The following MED27 variants were observed in gnomAD, a reference collection of about 807,000 sequenced individuals.
The protein encoded by MED27 is mediator of RNA polymerase II transcription subunit 27.
A neutral mutation model predicts 38.2 loss-of-function variants in MED27; 30 were observed. The observed-to-expected ratio is 0.79, with a 90% CI of 0.59 to 1.07. The LOEUF is 1.07. Ranked by LOEUF, MED27 falls within the 50% of genes least tolerant of loss-of-function variation. The pLI, the probability that MED27 is intolerant of heterozygous loss-of-function variation, is 0.00. For synonymous variants in MED27, 122 were observed against 153.5 expected, an observed-to-expected ratio of 0.79 and a Z score of 1.52; for missense variants, 289 against 397.5, an observed-to-expected ratio of 0.73 and a Z score of 2.32.
At chr9:132,070,658 A>T (rs1181180788) in intron 2 of MED27, among the ~76,000 whole-genome samples, 1 of 152,128 alleles carries the variant, frequency 6.6e-6, no homozygotes, top group Non-Finnish European at 1.5e-5. Flanking sequence ...GAGTACCAAG[A>T]TGAGAAGAGT....
At chr9:132,073,594 A>G in intron 2 of MED27, 1 of 1,409,902 alleles carries the variant, frequency 7.1e-7, no homozygotes, top group South Asian at 1.6e-5. Flanking sequence ...AGAAAAGAGC[A>G]CCTTCAGAGA....
At chr9:132,071,399 C>T (rs1358414326) in intron 2 of MED27, among the ~76,000 whole-genome samples, 2 of 151,734 alleles carry the variant, frequency 1.3e-5, no homozygotes, top group Non-Finnish European at 2.9e-5. Flanking sequence ...TAACGCACAC[C>T]CCATGAACGA....
chr9:131,952,666 TC>T (rs1157669828), intron 3 of MED27, among the ~76,000 whole-genome samples: 1 of 152,202 alleles, frequency 6.6e-6, no homozygotes, highest in Non-Finnish European at 1.5e-5. Flanking sequence ...AGGGTATTTA[TC>T]CTGCCTACAA....
chr9:132,013,493 C>A (rs1407447026), intron 3 of MED27, among the ~76,000 whole-genome samples: 2 of 152,206 alleles, frequency 1.3e-5, no homozygotes, highest in Non-Finnish European at 2.9e-5. Flanking sequence ...CACGGATGTA[C>A]ATGAGTGTGA....
At chr9:131,977,990 C>CTTAT (rs1374496378) in intron 3 of MED27, among the ~76,000 whole-genome samples, 1 of 152,178 alleles carries the variant, frequency 6.6e-6, no homozygotes, top group Admixed American at 6.5e-5. Context: ...GGACACTGAG[C>CTTAT]ATAAGCGGCA....
intron 3 of MED27, among the ~76,000 whole-genome samples, chr9:131,948,749 T>C (rs1333154814): frequency 6.6e-6 from 1 of 152,134 alleles, no homozygotes; most frequent in African/African-American, 2.4e-5. Flanking sequence ...ACTCAACACT[T>C]AGGCAGGCAG....
At chr9:131,934,278 G>C (rs1434202906) in intron 4 of MED27, among the ~76,000 whole-genome samples, 1 of 152,092 alleles carries the variant, frequency 6.6e-6, no homozygotes, top group East Asian at 1.9e-4. Flanking sequence ...GGATAAATGG[G>C]ATCATATCAA....
At chr9:132,052,578 T>TA (rs11368029) in intron 2 of MED27, among the ~76,000 whole-genome samples, 10 of 150,660 alleles carry the variant, frequency 6.6e-5, no homozygotes, top group African/African-American at 2.4e-4. Flanking sequence ...CTCTCTCTTT[T>TA]AAAAAAAAAA....
At chr9:131,981,418 G>T (rs557493338) in intron 3 of MED27, among the ~76,000 whole-genome samples, 2 of 152,186 alleles carry the variant, frequency 1.3e-5, no homozygotes, top group Non-Finnish European at 2.9e-5. Flanking sequence ...TGATCGTGAA[G>T]AAGTCAAACA....
chr9:131,902,798 A>G (rs1034818019), intron 4 of MED27, among the ~76,000 whole-genome samples: 2 of 152,232 alleles, frequency 1.3e-5, no homozygotes, highest in African/African-American at 4.8e-5. Flanking sequence ...ACAAGGTCCC[A>G]GGAAAAATGA....
intron 4 of MED27, among the ~76,000 whole-genome samples, chr9:131,907,342 C>G (rs544982132): frequency 2.0e-5 from 3 of 151,786 alleles, no homozygotes; most frequent in Non-Finnish European, 4.4e-5. Context: ...CCTCAGCCTG[C>G]GAGTGCCTGC....
At chr9:132,028,938 T>C (rs1832888720) in intron 2 of MED27, among the ~76,000 whole-genome samples, 1 of 152,132 alleles carries the variant, frequency 6.6e-6, no homozygotes, top group African/African-American at 2.4e-5. Flanking sequence ...AAATTAACAT[T>C]TGCAGATTCA....
intron 3 of MED27, among the ~76,000 whole-genome samples, chr9:131,985,770 TTCAG>T (rs1831836201): frequency 1.3e-5 from 2 of 152,138 alleles, no homozygotes; most frequent in Admixed American, 1.3e-4. Flanking sequence ...AGGCAGGTCC[TTCAG>T]GAGGGATCCA....
chr9:131,876,462 T>A (rs1838934953), intron 6 of MED27, among the ~76,000 whole-genome samples: 1 of 152,140 alleles, frequency 6.6e-6, no homozygotes, highest in Admixed American at 6.5e-5. Flanking sequence ...GCAGGAAAGG[T>A]ACTGGGGCGG....
intron 4 of MED27, among the ~76,000 whole-genome samples, chr9:131,935,109 A>G (rs1830659414): frequency 6.6e-6 from 1 of 152,232 alleles, no homozygotes; most frequent in South Asian, 2.1e-4. Flanking sequence ...GGGGATGTTT[A>G]ATAGGTACAA....
intron 4 of MED27, among the ~76,000 whole-genome samples, chr9:131,899,836 A>T (rs1351523357): frequency 6.6e-6 from 1 of 152,148 alleles, no homozygotes; most frequent in African/African-American, 2.4e-5. Context: ...GGTTGTAGTG[A>T]CCTTGAACTT....
At chr9:131,882,007 G>T (rs1368972138) in intron 6 of MED27, among the ~76,000 whole-genome samples, 1 of 151,698 alleles carries the variant, frequency 6.6e-6, no homozygotes, top group East Asian at 1.9e-4. Flanking sequence ...ACCCACCTGA[G>T]CCTCCCAAAG....
intron 3 of MED27, 64 bp from the exon 4 acceptor site, chr9:131,939,538 T>C (rs1830746882): frequency 1.0e-6 from 1 of 979,068 alleles, no homozygotes; most frequent in Non-Finnish European, 1.5e-6. Context: ...AGATTAATAG[T>C]ATTCAAAAGA....
intron 6 of MED27, among the ~76,000 whole-genome samples, chr9:131,866,356 C>T (rs1306644517): frequency 2.6e-5 from 4 of 152,244 alleles, no homozygotes; most frequent in Admixed American, 6.5e-5. Flanking sequence ...ACAGGAACAT[C>T]TCAAGTGGTC....
Sources: allele counts gnomAD v4.1 joint callset (sites outside exome capture counted in the v4.1 genomes callset), GRCh38; gene constraint gnomAD v4.1.1; transcripts MANE v1.5; gene names NCBI Gene and HGNC (gene_info 2026-07-23, HGNC 2026-07-21).